SS18: variants seen among roughly 807,000 people sequenced by gnomAD.
The protein encoded by SS18 is protein SSXT.
SS18 carries 28 observed loss-of-function variants against 72.5 expected under a neutral mutation model. The observed-to-expected ratio is 0.39, with a 90% CI of 0.29 to 0.53. The LOEUF is 0.53. SS18 is among the 20% of genes least tolerant of loss of function. The pLI is 0.76. For synonymous variants in SS18, 172 were observed against 164.2 expected, an observed-to-expected ratio of 1.05 and a Z score of -0.37; for missense variants, 518 against 535.3, an observed-to-expected ratio of 0.97 and a Z score of 0.32.
intron 1 of SS18, 101 bp downstream of exon 1, chr18:26,090,394 CCCGCCT>C: frequency 8.8e-7 from 1 of 1,142,454 alleles, no homozygotes. Flanking sequence ...TCCCAGCAGG[CCCGCCT>C]CCGCCTCGGC....
intron 5 of SS18, among the ~76,000 whole-genome samples, chr18:26,045,832 A>G (rs1210050918): frequency 6.6e-6 from 1 of 152,164 alleles, no homozygotes; most frequent in African/African-American, 2.4e-5. Context: ...ACTGTCAGTT[A>G]AAAATACATA....
At chr18:26,063,248 G>A (rs537844303) in intron 3 of SS18, among the ~76,000 whole-genome samples, 7 of 152,274 alleles carry the variant, frequency 4.6e-5, no homozygotes, top group South Asian at 2.1e-4. Context: ...GGCCGGGTGC[G>A]GTGGTTCATG....
At chr18:26,091,003 CCT>C, upstream of SS18, 1 of 218,976 alleles carries the variant, frequency 4.6e-6, no homozygotes, top group South Asian at 6.8e-5. Flanking sequence ...TGGCAACTTG[CCT>C]CCCTCTCCGG....
intron 9 of SS18, 44 bp downstream of exon 9, chr18:26,034,961 A>T: frequency 6.3e-7 from 1 of 1,580,438 alleles, no homozygotes; most frequent in Non-Finnish European, 8.6e-7. Flanking sequence ...TAAAACAATC[A>T]GCACATTTTT....
At chr18:26,042,967 T>C (rs915350531) in intron 5 of SS18, among the ~76,000 whole-genome samples, 1 of 152,170 alleles carries the variant, frequency 6.6e-6, no homozygotes, top group Non-Finnish European at 1.5e-5. Context: ...AATTGTATCA[T>C]TAATCTACAA....
rs531986964 is a variant in SS18, at chr18:26,033,233, G to A, written c.1097-701C>T. 7.2e-5 allele frequency among the ~76,000 whole-genome samples: 11 copies of A among 152,302 alleles called. No homozygotes were observed. The South Asian group carries it at 2.1e-3, about 29-fold the overall frequency. On this transcript the variant is annotated intron_variant, in intron 9 of 10. Coordinates refer to ENST00000415083, the MANE Select transcript of SS18 (RefSeq NM_001007559.3). ...CTGTTTTATAAACTCTACTAGTTGG[G>A]CTTGGCGCAGTGGCTTACGCCTGTA...
chr18:26,049,457 C>T (rs769946614), intron 5 of SS18, among the ~76,000 whole-genome samples: 2 of 152,158 alleles, frequency 1.3e-5, no homozygotes, highest in Non-Finnish European at 2.9e-5. Context: ...GAAGTTTATG[C>T]TCTATATGCA....
intron 2 of SS18, among the ~76,000 whole-genome samples, chr18:26,079,591 G>GT: frequency 6.6e-6 from 1 of 152,006 alleles, no homozygotes; most frequent in Non-Finnish European, 1.5e-5. Context: ...GGTTTTGTTT[G>GT]TTTTTTTGAG....
At chr18:26,046,406 C>T (rs536451517) in intron 5 of SS18, among the ~76,000 whole-genome samples, 1 of 152,186 alleles carries the variant, frequency 6.6e-6, no homozygotes, top group Non-Finnish European at 1.5e-5. Context: ...TGGCATCCAA[C>T]ATTTTATCCT....
At chr18:26,060,795 A>AAAAAAAAAAAAAAG (rs2054107786) in intron 3 of SS18, among the ~76,000 whole-genome samples, 1 of 131,272 alleles carries the variant, frequency 7.6e-6, no homozygotes, top group Non-Finnish European at 1.6e-5. Flanking sequence ...AAAAAAAAAA[A>AAAAAAAAAAAAAAG]AAAAAAAAAA....
chr18:26,068,390 A>G (rs1284705306), intron 3 of SS18: 1 of 152,214 alleles, frequency 6.6e-6, no homozygotes, highest in Non-Finnish European at 1.5e-5. Flanking sequence ...AGAAGACAGA[A>G]GTGACAGTAG....
At chr18:26,030,455 A>C (rs1163148613) in intron 10 of SS18, among the ~76,000 whole-genome samples, 1 of 151,820 alleles carries the variant, frequency 6.6e-6, no homozygotes, top group African/African-American at 2.4e-5. Context: ...GTATCATATC[A>C]TATGTTTACC....
At chr18:26,066,289 G>C (rs2054214781) in intron 3 of SS18, among the ~76,000 whole-genome samples, 1 of 152,000 alleles carries the variant, frequency 6.6e-6, no homozygotes, top group South Asian at 2.1e-4. Context: ...AAAAATGATT[G>C]TGCAGTATGA....
intron 5 of SS18, among the ~76,000 whole-genome samples, chr18:26,042,376 C>G (rs2053743584): frequency 6.6e-6 from 1 of 152,116 alleles, no homozygotes; most frequent in Non-Finnish European, 1.5e-5. Flanking sequence ...CGTGATAATA[C>G]ATATGCAAAG....
At chr18:26,027,877 T>A (rs1406776636) in intron 10 of SS18, among the ~76,000 whole-genome samples, 69 of 151,768 alleles carry the variant, frequency 4.5e-4, no homozygotes, top group Non-Finnish European at 1.5e-5. Context: ...CAGGAGAAAA[T>A]CTTTGTGACC....
intron 3 of SS18, among the ~76,000 whole-genome samples, chr18:26,072,616 T>G (rs1208685655): frequency 2.0e-5 from 3 of 151,110 alleles, no homozygotes; most frequent in African/African-American, 7.3e-5. Context: ...GCTGACAAGG[T>G]GAAACCCCTT....
chr18:26,074,893 G>C (rs1208247061), intron 3 of SS18, among the ~76,000 whole-genome samples: 2 of 151,792 alleles, frequency 1.3e-5, no homozygotes, highest in Non-Finnish European at 3.0e-5. Context: ...CACAAATAAT[G>C]ACATTAAAAA....
intron 2 of SS18, chr18:26,081,321 G>C (rs747407907): frequency 3.3e-5 from 5 of 152,282 alleles, no homozygotes; most frequent in African/African-American, 4.8e-5. Context: ...CTCCCAAGCA[G>C]TTGGGATTAC....
In SS18 at chr18:26,039,321, C is replaced by T. The variant is rs772978686; in HGVS notation, c.743G>A (p.Arg248Lys). 4 of 1,613,582 alleles carry T rather than the reference C, an allele frequency of 2.5e-6. No homozygotes were observed. Among genetic ancestry groups the T allele is most frequent in the Non-Finnish European group, 2.5e-6 (3 of 1,179,770 alleles). The change falls in exon 6 of 11, where the codon AGA (arginine) becomes AAA (lysine). Residue 248 changes from arginine to lysine, a missense_variant. Physicochemically the swap from Arg to Lys is conservative, Grantham distance 26. Coordinates refer to ENST00000415083, the MANE Select transcript of SS18 (RefSeq NM_001007559.3). ...VNQGNHMMGQRQIPPYRPPQQ... is the reference protein window; with the variant it reads ...VNQGNHMMGQKQIPPYRPPQQ... ...AGGAGGTCTATAGGGAGGAATCTGT[C>T]TCTGACCCATCATATGATTGCCTTG...
Sources: gnomAD v4.1 joint callset for allele counts (sites outside exome capture counted in the v4.1 genomes callset) on GRCh38, gnomAD v4.1.1 for gene constraint, MANE v1.5 for transcripts, NCBI Gene and HGNC (gene_info 2026-07-23, HGNC 2026-07-21) for gene names.